Variants in SNTG1 observed in about 807,000 individuals in gnomAD.
The protein encoded by SNTG1 is syntrophin gamma 1.
Under a neutral mutation model 74.7 loss-of-function variants are expected in SNTG1, and 39 were observed. The ratio of observed to expected loss-of-function variants is 0.52; its 90% confidence interval spans 0.40 to 0.68. The LOEUF (loss-of-function observed/expected upper bound fraction) is 0.68, where lower values mean the gene tolerates loss of function less well. SNTG1 is among the 30% of genes least tolerant of loss of function. The pLI is 0.00. For synonymous variants in SNTG1, 254 were observed against 217.1 expected (o/e 1.17, Z -1.49); for missense variants, 685 against 609.5 (o/e 1.12, Z -1.30).
rs1047637436 is a variant in SNTG1 at position 50,047,949 on chromosome 8, C to T, written c.-102-124612C>T. On this transcript the variant is annotated intron_variant, in intron 1 of 18. Transcript: ENST00000642720. ...TTTAAGTTTTTTCTGCTTTAAAATTCGATAATCATACTAATTTCAAGGTAT... is the reference window on the plus strand; with the variant it reads ...TTTAAGTTTTTTCTGCTTTAAAATTTGATAATCATACTAATTTCAAGGTAT... Among the ~76,000 whole-genome samples the T allele has an allele frequency of 5.3e-5, 8 of 151,890 alleles. No homozygotes were observed. The East Asian group carries it at 5.8e-4, about 11-fold the overall frequency.
intron 1 of SNTG1, among the ~76,000 whole-genome samples, chr8:50,003,398 A>T (rs935666674): frequency 3.2e-4 from 49 of 152,324 alleles, no homozygotes; most frequent in African/African-American, 1.0e-3. Context: ...CAGTGGTCTT[A>T]TGTGAAAAAC....
At chr8:50,657,686 C>T (rs2095191940) in intron 14 of SNTG1, among the ~76,000 whole-genome samples, 2 of 152,098 alleles carry the variant, frequency 1.3e-5, no homozygotes, top group Non-Finnish European at 2.9e-5. Flanking sequence ...CAAATACATT[C>T]TGGTAAGCTA....
At chr8:50,383,898 C>T (rs2092531385) in intron 2 of SNTG1, among the ~76,000 whole-genome samples, 1 of 152,132 alleles carries the variant, frequency 6.6e-6, no homozygotes, top group Admixed American at 6.6e-5. Context: ...GCAATGGAGT[C>T]CAAAGTGGCT....
At chr8:50,154,669 C>A (rs1170938926) in intron 1 of SNTG1, among the ~76,000 whole-genome samples, 2 of 152,152 alleles carry the variant, frequency 1.3e-5, no homozygotes, top group African/African-American at 4.8e-5. Context: ...CCTAGTCTAA[C>A]CATGGGGAAG....
intron 2 of SNTG1, among the ~76,000 whole-genome samples, chr8:50,347,152 C>T (rs551746799): frequency 2.6e-5 from 4 of 152,328 alleles, no homozygotes; most frequent in Non-Finnish European, 5.9e-5. Flanking sequence ...GGCTTCAAAG[C>T]TTCAAAAGAC....
At chr8:50,764,337 A>G (rs943114921) in intron 18 of SNTG1, among the ~76,000 whole-genome samples, 1 of 151,962 alleles carries the variant, frequency 6.6e-6, no homozygotes, top group Non-Finnish European at 1.5e-5. Context: ...GAGGCGACCT[A>G]TATCATGGGA....
chr8:50,080,955 T>C (rs908107003), intron 1 of SNTG1, among the ~76,000 whole-genome samples: 15 of 152,172 alleles, frequency 9.9e-5, no homozygotes, highest in African/African-American at 3.6e-4. Context: ...CTTATTTTCT[T>C]TTCTTCCTAC....
intron 4 of SNTG1, among the ~76,000 whole-genome samples, chr8:50,417,762 C>T (rs1344950109): frequency 6.6e-6 from 1 of 152,092 alleles, no homozygotes; most frequent in African/African-American, 2.4e-5. Flanking sequence ...GCCGAGAAAA[C>T]AATGCCCCAC....
At chr8:49,952,309 A>T (rs1039725143) in intron 1 of SNTG1, among the ~76,000 whole-genome samples, 2 of 152,162 alleles carry the variant, frequency 1.3e-5, no homozygotes, top group African/African-American at 4.8e-5. Flanking sequence ...TGTTGTGTTA[A>T]ACAACGCAAA....
intron 2 of SNTG1, among the ~76,000 whole-genome samples, chr8:50,385,986 G>A (rs1003269808): frequency 6.6e-6 from 1 of 152,174 alleles, no homozygotes; most frequent in African/African-American, 2.4e-5. Flanking sequence ...TAGTAATAAA[G>A]TCTACAATAT....
intron 12 of SNTG1, among the ~76,000 whole-genome samples, chr8:50,579,774 T>G (rs994736036): frequency 6.6e-6 from 1 of 152,206 alleles, no homozygotes; most frequent in African/African-American, 2.4e-5. Context: ...AATTGAGGTT[T>G]GGGAACTTCT....
intron 15 of SNTG1, among the ~76,000 whole-genome samples, chr8:50,675,180 T>A (rs1190790882): frequency 6.6e-6 from 1 of 152,142 alleles, no homozygotes; most frequent in Non-Finnish European, 1.5e-5. Flanking sequence ...GTCTATTAGG[T>A]CCACTTGATC....
chr8:50,229,464 A>C (rs2132050924), intron 2 of SNTG1, among the ~76,000 whole-genome samples: 1 of 151,634 alleles, frequency 6.6e-6, no homozygotes, highest in Non-Finnish European at 1.5e-5. Flanking sequence ...TAGCTATATA[A>C]ATTTCAAGGA....
At chr8:50,186,409 A>G (rs2083386146) in intron 2 of SNTG1, among the ~76,000 whole-genome samples, 1 of 152,108 alleles carries the variant, frequency 6.6e-6, no homozygotes, top group Non-Finnish European at 1.5e-5. Flanking sequence ...CTTATTCTAG[A>G]AATCACCTTA....
intron 1 of SNTG1, among the ~76,000 whole-genome samples, chr8:50,021,007 G>C (rs894461972): frequency 1.3e-5 from 2 of 152,052 alleles, no homozygotes; most frequent in Non-Finnish European, 2.9e-5. Flanking sequence ...CCATTGATAT[G>C]ACTAGGGGCT....
At chr8:50,090,534 T>C (rs1237954875) in intron 1 of SNTG1, among the ~76,000 whole-genome samples, 1 of 152,176 alleles carries the variant, frequency 6.6e-6, no homozygotes, top group African/African-American at 2.4e-5. Flanking sequence ...ATACTCATTC[T>C]GGAATCACCA....
At chr8:50,288,759 G>C (rs1297860127) in intron 2 of SNTG1, among the ~76,000 whole-genome samples, 4 of 152,148 alleles carry the variant, frequency 2.6e-5, no homozygotes, top group Non-Finnish European at 5.9e-5. Context: ...ATGTTGACAT[G>C]TGAGGCTATT....
At chr8:50,501,371 T>C (rs2093951077) in intron 8 of SNTG1, among the ~76,000 whole-genome samples, 1 of 151,148 alleles carries the variant, frequency 6.6e-6, no homozygotes, top group Admixed American at 6.6e-5. Flanking sequence ...TGTATTTTCT[T>C]CAGTGTTTAC....
At chr8:50,519,100 T>C (rs2094157981) in intron 9 of SNTG1, among the ~76,000 whole-genome samples, 1 of 152,184 alleles carries the variant, frequency 6.6e-6, no homozygotes, top group Non-Finnish European at 1.5e-5. Flanking sequence ...AAAAAGCTTA[T>C]CCACCACGAT....
Sources: gnomAD v4.1 joint callset for allele counts (sites outside exome capture counted in the v4.1 genomes callset) on GRCh38, gnomAD v4.1.1 for gene constraint, MANE v1.5 for transcripts, NCBI Gene and HGNC (gene_info 2026-07-23, HGNC 2026-07-21) for gene names.